The following COL13A1 variants were observed in gnomAD, a reference collection of about 807,000 sequenced individuals.
COL13A1 encodes the protein collagen type XIII alpha 1 chain, also known as collagen alpha-1(XIII) chain.
In COL13A1, 89 loss-of-function variants were observed where a neutral mutation model predicts 130.9. That is an observed-to-expected ratio of 0.68 (90% CI 0.57 to 0.81). The LOEUF (loss-of-function observed/expected upper bound fraction) is 0.81. Ranked by LOEUF, COL13A1 falls within the 30% of genes least tolerant of loss-of-function variation. The pLI is 0.00. For missense variants in COL13A1, 879 were observed against 934.6 expected, an observed-to-expected ratio of 0.94 and a Z score of 0.78; for synonymous variants, 402 against 341.6, an observed-to-expected ratio of 1.18 and a Z score of -1.95.
At chr10:69,874,787 G>A (rs9633587) in intron 4 of COL13A1, among the ~76,000 whole-genome samples, 24,796 of 152,208 alleles carry the variant, frequency 0.16, 2,111 homozygotes, top group Middle Eastern at 0.25. Flanking sequence ...TCCTGGCCAT[G>A]GCTGGAATTG....
chr10:69,901,281 G>T (rs1313682268), intron 14 of COL13A1, among the ~76,000 whole-genome samples: 2 of 152,238 alleles, frequency 1.3e-5, no homozygotes, highest in Non-Finnish European at 2.9e-5. Context: ...TTCTCAGAGG[G>T]TGTGGCAGGA....
intron 17 of COL13A1, among the ~76,000 whole-genome samples, chr10:69,908,996 T>TAATG (rs2063078716): frequency 1.3e-5 from 2 of 152,252 alleles, no homozygotes; most frequent in African/African-American, 4.8e-5. Flanking sequence ...AGAGGCTGGA[T>TAATG]AATGACTGGT....
At chr10:69,897,623 G>C in intron 13 of COL13A1, 3 of 1,381,898 alleles carry the variant, frequency 2.2e-6, no homozygotes, top group Non-Finnish European at 3.0e-6. Context: ...GGCCCCGGCA[G>C]TGGGAGCGGG....
At chr10:69,812,926 G>C (rs1308829921) in intron 1 of COL13A1, among the ~76,000 whole-genome samples, 3 of 152,194 alleles carry the variant, frequency 2.0e-5, no homozygotes, top group Admixed American at 1.3e-4. Context: ...AGCCAGACTA[G>C]TCCATGCCCC....
chr10:69,918,353 G>C, intron 19 of COL13A1, 36 bp downstream of exon 19: 5 of 1,609,356 alleles, frequency 3.1e-6, no homozygotes, highest in Non-Finnish European at 4.2e-6. Context: ...ATCAGGGACA[G>C]GGTGGGAGAG....
intron 29 of COL13A1, 90 bp from the exon 30 acceptor site, chr10:69,930,310 G>C: frequency 7.8e-7 from 1 of 1,278,484 alleles, no homozygotes; most frequent in East Asian, 2.5e-5. Context: ...GCACCAAAGA[G>C]CCAAGGCCTT....
chr10:69,937,791 C>T (rs558278684), intron 34 of COL13A1, 76 bp downstream of exon 34: 210 of 733,196 alleles, frequency 2.9e-4, no homozygotes, highest in Middle Eastern at 5.0e-4. Context: ...GGACAGCCAG[C>T]GGAAAGCTAA....
At chr10:69,855,454 C>T (rs1856145024) in intron 2 of COL13A1, among the ~76,000 whole-genome samples, 1 of 152,158 alleles carries the variant, frequency 6.6e-6, no homozygotes, top group African/African-American at 2.4e-5. Context: ...AGTTAAAACA[C>T]TCCATATTAT....
intron 38 of COL13A1, among the ~76,000 whole-genome samples, chr10:69,951,811 ATT>A (rs2069607437): frequency 6.6e-6 from 1 of 152,236 alleles, no homozygotes; most frequent in African/African-American, 2.4e-5. Flanking sequence ...GCTGCCCAGC[ATT>A]CAGTGTCACC....
At chr10:69,866,129 G>C (rs1340392300) in intron 2 of COL13A1, among the ~76,000 whole-genome samples, 1 of 152,222 alleles carries the variant, frequency 6.6e-6, no homozygotes, top group Non-Finnish European at 1.5e-5. Flanking sequence ...GGTGCACCCA[G>C]CAAACTGCTC....
At chr10:69,913,101 C>T (rs1242713542) in intron 17 of COL13A1, among the ~76,000 whole-genome samples, 1 of 152,236 alleles carries the variant, frequency 6.6e-6, no homozygotes, top group Non-Finnish European at 1.5e-5. Context: ...CTAGAGCCTT[C>T]TCAGCCACAA....
chr10:69,866,619 C>A lies in COL13A1; in HGVS notation c.365-1179C>A, dbSNP rs572492466. On this transcript the variant is annotated intron_variant, in intron 2 of 40. Transcript: ENST00000645393. ...TGTTCTGGGCCCTGCATGCAAGGCC[C>A]GGGCCTGGGGCTTGCTCACCCAGGC... is the stretch of plus-strand genomic sequence containing the variant. Among the ~76,000 whole-genome samples, 6 of 148,420 alleles carry A rather than the reference C, an allele frequency of 4.0e-5. No homozygotes were observed. The East Asian group carries it at 1.2e-3, about 30-fold the overall frequency.
At chr10:69,842,999 G>A (rs1852011575) in intron 2 of COL13A1, among the ~76,000 whole-genome samples, 1 of 152,214 alleles carries the variant, frequency 6.6e-6, no homozygotes. Flanking sequence ...CAGAAACACT[G>A]AGAGTAAACT....
intron 37 of COL13A1, among the ~76,000 whole-genome samples, chr10:69,947,031 G>T (rs1053461484): frequency 2.0e-5 from 3 of 152,074 alleles, no homozygotes; most frequent in Non-Finnish European, 4.4e-5. Flanking sequence ...CTCGTGATCC[G>T]CCCACCTCGG....
chr10:69,836,140 A>G (rs545142597), intron 2 of COL13A1, among the ~76,000 whole-genome samples: 34 of 152,308 alleles, frequency 2.2e-4, no homozygotes, highest in African/African-American at 7.0e-4. Flanking sequence ...GTTTTTGAGC[A>G]CTGGTTCTGT....
intron 27 of COL13A1, among the ~76,000 whole-genome samples, chr10:69,928,613 A>G (rs1399298800): frequency 6.6e-6 from 1 of 152,090 alleles, no homozygotes; most frequent in Non-Finnish European, 1.5e-5. Flanking sequence ...TTCTGGAGAT[A>G]TTTTTAAGTC....
chr10:69,946,430 G>C (rs993352984), intron 37 of COL13A1, among the ~76,000 whole-genome samples: 1 of 152,210 alleles, frequency 6.6e-6, no homozygotes, highest in African/African-American at 2.4e-5. Flanking sequence ...TTTCCATCAC[G>C]GCATGCTTTC....
intron 14 of COL13A1, among the ~76,000 whole-genome samples, chr10:69,902,102 C>G (rs1310160800): frequency 2.0e-5 from 3 of 152,174 alleles, no homozygotes; most frequent in Non-Finnish European, 4.4e-5. Flanking sequence ...GCAGCCACTC[C>G]TTGGACGTAG....
intron 1 of COL13A1, among the ~76,000 whole-genome samples, chr10:69,811,444 G>A (rs188299041): frequency 5.3e-5 from 8 of 152,288 alleles, no homozygotes; most frequent in African/African-American, 7.2e-5. Flanking sequence ...CTCGGGACAG[G>A]GATGAAGAAA....
Sources: allele counts gnomAD v4.1 joint callset (sites outside exome capture counted in the v4.1 genomes callset), GRCh38; gene constraint gnomAD v4.1.1; transcripts MANE v1.5; gene names NCBI Gene and HGNC (gene_info 2026-07-23, HGNC 2026-07-21).